Variants in TAOK3 observed in about 807,000 individuals in gnomAD.
The protein encoded by TAOK3 is TAO kinase 3, also known as serine/threonine-protein kinase TAO3.
TAOK3 carries 40 observed loss-of-function variants against 120.4 expected under a neutral mutation model. The observed-to-expected ratio is 0.33, with a 90% CI of 0.26 to 0.43. The LOEUF (loss-of-function observed/expected upper bound fraction) is 0.43, where lower values mean the gene tolerates loss of function less well. Ranked by LOEUF, TAOK3 falls within the 20% of genes least tolerant of loss-of-function variation. The pLI is 1.00. For synonymous variants in TAOK3, 355 were observed against 387.5 expected, an observed-to-expected ratio of 0.92 and a Z score of 0.99; for missense variants, 821 against 1,112.1, an observed-to-expected ratio of 0.74 and a Z score of 3.72.
chr12:118,282,508 T>C (rs1837823189), intron 1 of TAOK3, among the ~76,000 whole-genome samples: 1 of 152,234 alleles, frequency 6.6e-6, no homozygotes, highest in Non-Finnish European at 1.5e-5. Flanking sequence ...CTGTAAGTAC[T>C]AATGAAAATC....
intron 1 of TAOK3, among the ~76,000 whole-genome samples, chr12:118,310,614 G>C (rs1396875361): frequency 2.0e-5 from 3 of 152,092 alleles, no homozygotes; most frequent in Non-Finnish European, 4.4e-5. Flanking sequence ...ATTATCCAGA[G>C]TTTTGCTTGG....
At chr12:118,295,767 TAA>T (rs2042657679) in intron 1 of TAOK3, among the ~76,000 whole-genome samples, 1 of 152,220 alleles carries the variant, frequency 6.6e-6, no homozygotes, top group Non-Finnish European at 1.5e-5. Flanking sequence ...GTCCATCTTT[TAA>T]AAAATCTGTG....
At chr12:118,362,320 A>AAAG (rs1253096358) in intron 1 of TAOK3, among the ~76,000 whole-genome samples, 1 of 149,826 alleles carries the variant, frequency 6.7e-6, no homozygotes, top group Non-Finnish European at 1.5e-5. Context: ...GATGGGCTAA[A>AAAG]AAAAAAAAAA....
intron 1 of TAOK3, among the ~76,000 whole-genome samples, chr12:118,287,622 T>C (rs1425126849): frequency 6.6e-6 from 1 of 152,196 alleles, no homozygotes; most frequent in African/African-American, 2.4e-5. Context: ...GTTTAACTTC[T>C]CTAAGCCTCA....
intron 1 of TAOK3, among the ~76,000 whole-genome samples, chr12:118,307,757 G>A (rs896074703): frequency 6.6e-6 from 1 of 152,036 alleles, no homozygotes; most frequent in Non-Finnish European, 1.5e-5. Context: ...AAAAACAAAA[G>A]TTCTGAATGC....
chr12:118,249,024 G>T (rs991585754), intron 3 of TAOK3, among the ~76,000 whole-genome samples: 4 of 151,882 alleles, frequency 2.6e-5, no homozygotes, highest in African/African-American at 9.7e-5. Context: ...GTATCAATGG[G>T]GTCTCAGCTT....
chr12:118,206,686 T>C (rs990259864), intron 11 of TAOK3, among the ~76,000 whole-genome samples: 2 of 152,028 alleles, frequency 1.3e-5, no homozygotes, highest in Non-Finnish European at 2.9e-5. Flanking sequence ...AACCTCCACC[T>C]CCCGGGTTCA....
At chr12:118,335,119 G>C (rs764337798) in intron 1 of TAOK3, among the ~76,000 whole-genome samples, 2 of 151,690 alleles carry the variant, frequency 1.3e-5, no homozygotes, top group Non-Finnish European at 2.9e-5. Flanking sequence ...GGGAGGTGGA[G>C]GTTTCAGTGA....
At chr12:118,159,454 G>A (rs1482440308) in intron 19 of TAOK3, among the ~76,000 whole-genome samples, 1 of 151,992 alleles carries the variant, frequency 6.6e-6, no homozygotes, top group South Asian at 2.1e-4. Flanking sequence ...GGGACTACAG[G>A]TGCCTGCCCA....
In TAOK3 at chr12:118,151,176, C is replaced by T. The variant is rs1592941418; in HGVS notation, c.2536-18G>A. The T allele has an allele frequency of 6.2e-7, 1 of 1,609,592 alleles. No individual in the cohort carries two copies. Among genetic ancestry groups the T allele is most frequent in the Non-Finnish European group, 8.5e-7 (1 of 1,179,254 alleles). On this transcript the variant is annotated intron_variant, in intron 20 of 20. Transcript: ENST00000392533. ...TCTTCAATCTGAAAGAAGCACGATG[C>T]AGTTCTTAATGGAAAGCATCTCCTA... is the stretch of plus-strand genomic sequence containing the variant.
chr12:118,151,289 GCACACACACACACACA>G (rs773751889), intron 20 of TAOK3, 131 bp from the exon 21 acceptor site: 3 of 253,072 alleles, frequency 1.2e-5, no homozygotes, highest in Non-Finnish European at 2.2e-5. Flanking sequence ...GCGCGCGCGC[GCACACACACACACACA>G]CACACACACA....
rs542308723 is a variant in TAOK3, at chr12:118,218,102, C to T, written c.644-3992G>A. Among the ~76,000 whole-genome samples, 533 of 151,380 alleles carry T rather than the reference C, an allele frequency of 3.5e-3. 1 individual carries two copies. The highest frequency in any genetic ancestry group is 0.012 in the African/African-American group (491 of 41,316). The stretch of plus-strand genomic sequence containing the variant: ...GTCTCGATTTCCTGACCTTGTGATC[C>T]GTCCGCCTTGGCCTCCCAAGTATTT... On this transcript the variant is annotated intron_variant, in intron 9 of 20. Transcript: ENST00000392533.
At chr12:118,308,499 T>C (rs1179566591) in intron 1 of TAOK3, among the ~76,000 whole-genome samples, 1 of 152,010 alleles carries the variant, frequency 6.6e-6, no homozygotes, top group Non-Finnish European at 1.5e-5. Flanking sequence ...GGCAGGAAAA[T>C]CAGTTATTAT....
At chr12:118,304,386 C>T (rs2042977583) in intron 1 of TAOK3, among the ~76,000 whole-genome samples, 1 of 152,142 alleles carries the variant, frequency 6.6e-6, no homozygotes, top group Admixed American at 6.5e-5. Flanking sequence ...TTGAACTAGG[C>T]CGACTACAAA....
At chr12:118,217,020 T>TAC (rs1357645748) in intron 9 of TAOK3, among the ~76,000 whole-genome samples, 1 of 144,224 alleles carries the variant, frequency 6.9e-6, no homozygotes. Context: ...ATGGATTTTT[T>TAC]ATATAGTCTC....
rs2139877631 is a variant in TAOK3, at chr12:118,235,602, A to G, written c.507T>C (p.Ala169=). 1 of 1,614,010 alleles carries G rather than the reference A, an allele frequency of 6.2e-7. No homozygotes were observed. The highest frequency in any genetic ancestry group is 8.5e-7 in the Non-Finnish European group (1 of 1,179,966). ...AGGAGTTGGCAGGAGAAGCCATTGA[A>G]GCAGATCCAAAATCAGCTAGTTTTA... ...GQVKLADFGS[A]SMASPANSFV... Residue 169 remains alanine (A), a synonymous_variant, in exon 8 of 21, where the codon GCT becomes GCC. Coordinates refer to ENST00000392533, the MANE Select transcript of TAOK3 (RefSeq NM_016281.4).
At chr12:118,262,271 C>A (rs1312902744) in intron 2 of TAOK3, among the ~76,000 whole-genome samples, 10 of 152,002 alleles carry the variant, frequency 6.6e-5, no homozygotes, top group Non-Finnish European at 1.3e-4. Flanking sequence ...ATCACAAGGT[C>A]AGGAGTTCAA....
chr12:118,152,917 CA>C lies in TAOK3; in HGVS notation c.2353-509del, dbSNP rs1333948388. 2.0e-5 allele frequency among the ~76,000 whole-genome samples: 3 copies of C among 152,216 alleles called. No individual in the cohort carries two copies. In the East Asian group the frequency reaches 5.8e-4, roughly 29 times the overall value. On this transcript the variant is annotated intron_variant, in intron 19 of 20. Coordinates refer to ENST00000392533, the MANE Select transcript of TAOK3 (RefSeq NM_016281.4). ...GTAGTGGTTATCATTATTTCGGTTT[CA>C]ACTGATCATGTCCTTATTTCAAGTT... is the stretch of plus-strand genomic sequence containing the variant.
intron 6 of TAOK3, among the ~76,000 whole-genome samples, chr12:118,238,740 T>C (rs1039484257): frequency 6.6e-6 from 1 of 151,922 alleles, no homozygotes; most frequent in Non-Finnish European, 1.5e-5. Context: ...GCTCAAGTGA[T>C]CCTCCTGTCT....
Sources: allele counts gnomAD v4.1 joint callset (sites outside exome capture counted in the v4.1 genomes callset), GRCh38; gene constraint gnomAD v4.1.1; transcripts MANE v1.5; gene names NCBI Gene and HGNC (gene_info 2026-07-23, HGNC 2026-07-21).